Variants in B3GALT1 observed in about 807,000 individuals in gnomAD.
The protein encoded by B3GALT1 is UDP-Gal:betaGlcNAc beta 1,3-galactosyltransferase, polypeptide 1.
In B3GALT1, 10 loss-of-function variants were observed where a neutral mutation model predicts 23.2. That is an observed-to-expected ratio of 0.43 (90% CI 0.27 to 0.73). The LOEUF is 0.73. B3GALT1 is among the 30% of genes least tolerant of loss of function. The probability of loss-of-function intolerance (pLI) is 0.21; values close to 1 mark genes in which losing one functional copy is unlikely to be tolerated. For synonymous variants in B3GALT1, 156 were observed against 141.5 expected (o/e 1.10, Z -0.73); for missense variants, 299 against 405.4 (o/e 0.74, Z 2.25).
chr2:167,669,502 G>A (rs892350468), intron 3 of B3GALT1, among the ~76,000 whole-genome samples: 3 of 152,112 alleles, frequency 2.0e-5, no homozygotes, highest in African/African-American at 7.2e-5. Flanking sequence ...AATATGAAAT[G>A]TGGAATTTAT....
At chr2:167,566,653 A>G (rs976508307) in intron 2 of B3GALT1, among the ~76,000 whole-genome samples, 1 of 152,168 alleles carries the variant, frequency 6.6e-6, no homozygotes, top group Non-Finnish European at 1.5e-5. Flanking sequence ...GAGCCATATG[A>G]GTAGTTAATA....
At chr2:167,452,947 A>G (rs112140474) in intron 1 of B3GALT1, among the ~76,000 whole-genome samples, 10 of 152,188 alleles carry the variant, frequency 6.6e-5, no homozygotes, top group African/African-American at 2.2e-4. Context: ...ATGGTGCCTG[A>G]TATCAGTAGT....
chr2:167,674,431 A>C (rs1471399005), intron 3 of B3GALT1, among the ~76,000 whole-genome samples: 2 of 152,210 alleles, frequency 1.3e-5, no homozygotes, highest in Non-Finnish European at 2.9e-5. Flanking sequence ...GCAAGATATT[A>C]AATAGAAGTA....
chr2:167,676,478 T>TAC (rs201582654), intron 3 of B3GALT1, among the ~76,000 whole-genome samples: 2,446 of 150,094 alleles, frequency 0.016, 63 homozygotes, highest in African/African-American at 0.058. Context: ...CTTATATATA[T>TAC]ATACACACAC....
At chr2:167,405,211 A>G (rs1698255073) in intron 1 of B3GALT1, among the ~76,000 whole-genome samples, 1 of 152,170 alleles carries the variant, frequency 6.6e-6, no homozygotes, top group Non-Finnish European at 1.5e-5. Flanking sequence ...TTATTTAAGT[A>G]TCTATAAGTA....
At position 167,534,738 on chromosome 2, in the gene B3GALT1, A is replaced by AGG. The variant is rs1336463537; in HGVS notation, c.-410+44464_-410+44465dup. On this transcript the variant is annotated intron_variant, in intron 2 of 4. Coordinates refer to ENST00000392690, the MANE Select transcript of B3GALT1 (RefSeq NM_020981.4). ...ATATAGATATTTAGATATTTATATGAGGGGAGGGCACAGCTACAGTTAAAT... is the reference window on the plus strand; with the variant it reads ...ATATAGATATTTAGATATTTATATGAGGGGGGAGGGCACAGCTACAGTTAAAT... 2.6e-5 allele frequency among the ~76,000 whole-genome samples: 4 copies of AGG among 152,176 alleles called. No individual in the cohort carries two copies. In the South Asian group the frequency reaches 8.3e-4, roughly 32 times the overall value.
intron 3 of B3GALT1, among the ~76,000 whole-genome samples, chr2:167,742,010 C>T (rs1321849298): frequency 6.6e-6 from 1 of 152,088 alleles, no homozygotes. Flanking sequence ...CTGATGACAC[C>T]TCTCAGTCAG....
chr2:167,503,814 T>C (rs1186797818), intron 2 of B3GALT1, among the ~76,000 whole-genome samples: 2 of 152,258 alleles, frequency 1.3e-5, no homozygotes, highest in African/African-American at 4.8e-5. Context: ...CTAACACTTA[T>C]GAAATGGTCA....
At chr2:167,688,029 T>G (rs1455001594) in intron 3 of B3GALT1, among the ~76,000 whole-genome samples, 1 of 152,146 alleles carries the variant, frequency 6.6e-6, no homozygotes, top group Non-Finnish European at 1.5e-5. Flanking sequence ...AGCTGTGAAT[T>G]TTTTTCTTAT....
chr2:167,400,831 A>G (rs925718407), intron 1 of B3GALT1, among the ~76,000 whole-genome samples: 6 of 152,146 alleles, frequency 3.9e-5, no homozygotes, highest in Admixed American at 6.6e-5. Context: ...TGTGTAGGAA[A>G]TGTATCCCAA....
intron 2 of B3GALT1, among the ~76,000 whole-genome samples, chr2:167,621,339 G>A (rs1685254694): frequency 6.6e-6 from 1 of 151,930 alleles, no homozygotes; most frequent in Non-Finnish European, 1.5e-5. Flanking sequence ...TTCCACCTCA[G>A]CCTCCCAAAG....
intron 4 of B3GALT1, among the ~76,000 whole-genome samples, chr2:167,839,301 C>G (rs1173139680): frequency 1.3e-5 from 2 of 151,252 alleles, no homozygotes; most frequent in African/African-American, 2.4e-5. Context: ...CCCAAAATCT[C>G]CTTAAGCTGA....
At chr2:167,775,008 C>T (rs576869086) in intron 3 of B3GALT1, among the ~76,000 whole-genome samples, 5 of 152,170 alleles carry the variant, frequency 3.3e-5, no homozygotes, top group Admixed American at 6.5e-5. Flanking sequence ...TAATCACTCC[C>T]ATGTGTAACT....
intron 3 of B3GALT1, among the ~76,000 whole-genome samples, chr2:167,689,484 G>A (rs1410652631): frequency 6.6e-6 from 1 of 152,144 alleles, no homozygotes; most frequent in African/African-American, 2.4e-5. Flanking sequence ...GAAAGAACAT[G>A]GCAAGCAAAG....
intron 1 of B3GALT1, among the ~76,000 whole-genome samples, chr2:167,482,787 C>A (rs1013819108): frequency 6.6e-6 from 1 of 151,982 alleles, no homozygotes; most frequent in African/African-American, 2.4e-5. Flanking sequence ...TTGCAGTGAG[C>A]TGAGATGGCG....
At chr2:167,526,403 C>T (rs1683221465) in intron 2 of B3GALT1, among the ~76,000 whole-genome samples, 1 of 152,112 alleles carries the variant, frequency 6.6e-6, no homozygotes, top group African/African-American at 2.4e-5. Flanking sequence ...CATTCAACCC[C>T]ACAACAAACA....
chr2:167,646,033 G>A (rs75023961), intron 2 of B3GALT1, among the ~76,000 whole-genome samples: 6,268 of 152,200 alleles, frequency 0.041, 451 homozygotes, highest in African/African-American at 0.14. Context: ...CTGGTGTACA[G>A]TTTTCTATAC....
chr2:167,449,853 T>G lies in B3GALT1; in HGVS notation c.-510-40324T>G, dbSNP rs929854679. Among the ~76,000 whole-genome samples, 3 of 152,296 alleles carry G rather than the reference T, an allele frequency of 2.0e-5. No individual in the cohort carries two copies. The South Asian group carries it at 6.2e-4, about 32-fold the overall frequency. ...TTTTCTGTGTCTATTGAGATAATCA[T>G]GTGAATTTGTTTTTAATTCTCTTTA... On this transcript the variant is annotated intron_variant, in intron 1 of 4. Coordinates refer to ENST00000392690, the MANE Select transcript of B3GALT1 (RefSeq NM_020981.4).
At chr2:167,786,382 A>C (rs181614079) in intron 3 of B3GALT1, among the ~76,000 whole-genome samples, 28 of 152,312 alleles carry the variant, frequency 1.8e-4, no homozygotes, top group Non-Finnish European at 3.4e-4. Context: ...TCTTTCAGAG[A>C]GTGGTGCTTT....
Sources: gnomAD v4.1 joint callset for allele counts (sites outside exome capture counted in the v4.1 genomes callset) on GRCh38, gnomAD v4.1.1 for gene constraint, MANE v1.5 for transcripts, NCBI Gene and HGNC (gene_info 2026-07-23, HGNC 2026-07-21) for gene names.